Variants in FRMPD4 observed in about 807,000 individuals in gnomAD.
The protein encoded by FRMPD4 is FERM and PDZ domain-containing protein 4.
A neutral mutation model predicts 94.1 loss-of-function variants in FRMPD4; 22 were observed. That is an observed-to-expected ratio of 0.23 (90% CI 0.17 to 0.33). FRMPD4 has a LOEUF of 0.33. Ranked by LOEUF, FRMPD4 falls within the 10% of genes least tolerant of loss-of-function variation. The pLI, the probability that FRMPD4 is intolerant of heterozygous loss-of-function variation, is 1.00. For synonymous variants in FRMPD4, 631 were observed against 548.6 expected (o/e 1.15, Z -2.10); for missense variants, 1,111 against 1,339.9 (o/e 0.83, Z 2.67).
chrX:11,996,189 C>T (rs1247681124), intron 3 of FRMPD4, among the ~76,000 whole-genome samples: 1 of 111,766 alleles, frequency 8.9e-6, no homozygotes, highest in Non-Finnish European at 1.9e-5. Flanking sequence ...ATTTTTGTAA[C>T]ACAATGTGCT....
In FRMPD4 at chrX:12,721,240, G is replaced by C. The variant is rs5979716; in HGVS notation, c.4671G>C (p.Gly1557=). ...CLAVAIQKQR[G]ELSRGSVLKV... Reference sequence around the variant, plus strand: ...CTGTGGCGATTCAGAAGCAACGAGGGGAGCTATCCAGAGGGTCAGTGCTGA... The same window carrying C: ...CTGTGGCGATTCAGAAGCAACGAGGCGAGCTATCCAGAGGGTCAGTGCTGA... Residue 1557 remains glycine (G), a synonymous_variant, in exon 17 of 17, where the codon GGG becomes GGC. Transcript: ENST00000675598. The C allele has an allele frequency of 0.041, 30,718 of 753,930 alleles. 1,521 individuals are homozygous for C. Among genetic ancestry groups the C allele is most frequent in the African/African-American group, 0.28 (11,937 of 42,877 alleles). The allele number at this position is 753,930 out of a possible 1,213,427, so 62.1% of individuals were successfully genotyped here.
intron 3 of FRMPD4, among the ~76,000 whole-genome samples, chrX:12,028,547 T>C (rs776536136): frequency 9.0e-6 from 1 of 110,760 alleles, no homozygotes; most frequent in East Asian, 2.8e-4. Flanking sequence ...ATTTTATGGG[T>C]TAAGACAAGT....
At position 12,473,521 on chromosome X, in the gene FRMPD4, A is replaced by C. The variant is rs190562077; in HGVS notation, c.42-25159A>C. Among the ~76,000 whole-genome samples, 243 of 110,224 alleles carry C rather than the reference A, an allele frequency of 2.2e-3. 14 individuals are homozygous for C. Among genetic ancestry groups the C allele is most frequent in the African/African-American group, 7.9e-3 (229 of 29,123 alleles). ...TCCAATTAAAAGACACAGACTGGCA[A>C]ATTGGATAAACAGTCAAGACCCATC... On this transcript the variant is annotated intron_variant, in intron 1 of 16. Coordinates refer to ENST00000675598, the MANE Select transcript of FRMPD4 (RefSeq NM_001368397.1).
chrX:12,098,218 T>C (rs2055223020), intron 3 of FRMPD4, among the ~76,000 whole-genome samples: 1 of 110,592 alleles, frequency 9.0e-6, no homozygotes, highest in Non-Finnish European at 1.9e-5. Flanking sequence ...TTTTGAAAGA[T>C]TGTTATTGCA....
chrX:12,193,315 A>C (rs1218988518), intron 1 of FRMPD4, among the ~76,000 whole-genome samples: 1 of 111,448 alleles, frequency 9.0e-6, no homozygotes, highest in Non-Finnish European at 1.9e-5. Context: ...ACACAGCTTG[A>C]TGGGCATCTT....
In FRMPD4 at chrX:12,716,619, C is replaced by T. The variant is rs766939386; in HGVS notation, c.2160C>T (p.Gly720=). The change falls in exon 15 of 17, where the codon GGC becomes GGT. Residue 720 remains glycine, a synonymous_variant. Coordinates refer to ENST00000675598, the MANE Select transcript of FRMPD4 (RefSeq NM_001368397.1). ...AAAATTCTGTTTATGCAAACATAGGCGATGTGAAGAGCTTCCAGGCCGCGG... is the reference window on the plus strand; with the variant it reads ...AAAATTCTGTTTATGCAAACATAGGTGATGTGAAGAGCTTCCAGGCCGCGG... ...FVENSVYANI[G]DVKSFQAAEG... 36 of 1,209,195 alleles carry T rather than the reference C, an allele frequency of 3.0e-5. No individual in the cohort carries two copies. The Admixed American group carries it at 7.4e-4, about 25-fold the overall frequency.
intron 1 of FRMPD4, among the ~76,000 whole-genome samples, chrX:12,352,057 C>T (rs2055823520): frequency 2.7e-5 from 3 of 111,721 alleles, no homozygotes; most frequent in Admixed American, 9.5e-5. Flanking sequence ...TTCATAGGCT[C>T]AGCTTTAGTA....
intron 3 of FRMPD4, among the ~76,000 whole-genome samples, chrX:11,891,305 G>T (rs146406317): frequency 8.9e-6 from 1 of 112,426 alleles, no homozygotes; most frequent in Admixed American, 9.4e-5. Context: ...AGAGCTTGGC[G>T]CCTGCCAGAG....
At chrX:12,577,160 T>C (rs2058819623) in intron 2 of FRMPD4, among the ~76,000 whole-genome samples, 1 of 110,189 alleles carries the variant, frequency 9.1e-6, no homozygotes, top group African/African-American at 3.3e-5. Context: ...CACAGCTGTT[T>C]ATTAATTCCA....
Position 12,138,998 on chromosome X carries a change from T to A in FRMPD4, c.27T>A (p.Ile9=), listed in dbSNP as rs148929583. Reference sequence around the variant, plus strand: ...TGGATGTCTTCAGCTTTGTGAAGATTGCAAAGCTTTCGAGGTAGGGGCTGC... The same window carrying A: ...TGGATGTCTTCAGCTTTGTGAAGATAGCAAAGCTTTCGAGGTAGGGGCTGC... MDVFSFVK[I]AKLSSHRTKS... Residue 9 remains isoleucine, a synonymous_variant, in exon 1 of 17, where the codon ATT becomes ATA. Transcript: ENST00000675598. 5 of 1,170,401 alleles carry A rather than the reference T, an allele frequency of 4.3e-6. No homozygotes were observed. The highest frequency in any genetic ancestry group is 4.6e-6 in the Non-Finnish European group (4 of 874,164).
At chrX:12,334,659 G>T (rs935917851) in intron 1 of FRMPD4, among the ~76,000 whole-genome samples, 1 of 109,617 alleles carries the variant, frequency 9.1e-6, no homozygotes, top group Admixed American at 9.8e-5. Flanking sequence ...TAGAAGAGGT[G>T]TTTTGGCCCT....
chrX:11,950,651 A>G (rs932122300), intron 3 of FRMPD4, among the ~76,000 whole-genome samples: 59 of 111,949 alleles, frequency 5.3e-4, no homozygotes, highest in Non-Finnish European at 9.9e-4. Flanking sequence ...CCCTTTTAAA[A>G]CATACATGCA....
chrX:12,443,268 A>G (rs1319252225), intron 1 of FRMPD4, among the ~76,000 whole-genome samples: 1 of 112,244 alleles, frequency 8.9e-6, no homozygotes, highest in African/African-American at 3.2e-5. Context: ...ATAGCTTAAT[A>G]TGTATATACA....
At chrX:12,111,494 C>G (rs1205343044) in intron 3 of FRMPD4, among the ~76,000 whole-genome samples, 1 of 111,347 alleles carries the variant, frequency 9.0e-6, no homozygotes, top group Non-Finnish European at 1.9e-5. Context: ...CATTACCATT[C>G]AGGACATAGG....
chrX:12,557,636 C>T (rs924350002), intron 2 of FRMPD4, among the ~76,000 whole-genome samples: 7 of 112,133 alleles, frequency 6.2e-5, no homozygotes, highest in African/African-American at 2.3e-4. Flanking sequence ...CTTAGAAAAT[C>T]TCTCCCAAAG....
At chrX:12,036,622 GTAAT>G (rs1187222293) in intron 3 of FRMPD4, among the ~76,000 whole-genome samples, 1 of 111,739 alleles carries the variant, frequency 8.9e-6, no homozygotes, top group East Asian at 2.8e-4. Context: ...AATAAAATAA[GTAAT>G]TATTCCTATT....
At chrX:12,562,848 C>T (rs2058672225) in intron 2 of FRMPD4, among the ~76,000 whole-genome samples, 1 of 111,895 alleles carries the variant, frequency 8.9e-6, no homozygotes, top group Non-Finnish European at 1.9e-5. Context: ...CATTGTCTTG[C>T]CGTGTTGCCC....
chrX:12,090,674 A>G (rs909258605), intron 3 of FRMPD4, among the ~76,000 whole-genome samples: 57 of 111,837 alleles, frequency 5.1e-4, no homozygotes, highest in South Asian at 7.5e-4. Flanking sequence ...CCTTTATAAG[A>G]GTTTAAAAAC....
chrX:11,869,914 A>C (rs2147304578), intron 2 of FRMPD4, among the ~76,000 whole-genome samples: 1 of 111,614 alleles, frequency 9.0e-6, no homozygotes, highest in East Asian at 2.8e-4. Flanking sequence ...TTTCCATTGG[A>C]TATTTCTTTC....
Sources: gnomAD v4.1 joint callset for allele counts (sites outside exome capture counted in the v4.1 genomes callset) on GRCh38, gnomAD v4.1.1 for gene constraint, MANE v1.5 for transcripts, NCBI Gene and HGNC (gene_info 2026-07-23, HGNC 2026-07-21) for gene names.